DEF6: variants seen among roughly 807,000 people sequenced by gnomAD.
DEF6 encodes the protein DEF6 guanine nucleotide exchange factor.
Under a neutral mutation model 80.5 loss-of-function variants are expected in DEF6, and 32 were observed. That is an observed-to-expected ratio of 0.40 (90% CI 0.30 to 0.53). The LOEUF (loss-of-function observed/expected upper bound fraction) is 0.53, where lower values mean the gene tolerates loss of function less well. Among genes scored for constraint, DEF6 ranks in the 20% least tolerant of loss-of-function variants. DEF6 has a pLI of 0.57. For synonymous variants in DEF6, 300 were observed against 337.9 expected (o/e 0.89, Z 1.23); for missense variants, 575 against 818.7 (o/e 0.70, Z 3.63).
In DEF6 at chr6:35,314,132, G is replaced by T. The variant is rs188443437; in HGVS notation, c.807+1360G>T. 8.8e-3 allele frequency among the ~76,000 whole-genome samples: 1,347 copies of T among 152,234 alleles called. 17 individuals are homozygous for T. The highest frequency in any genetic ancestry group is 9.7e-3 in the Non-Finnish European group (661 of 68,026). On this transcript the variant is annotated intron_variant, in intron 5 of 10. Coordinates refer to ENST00000316637, the MANE Select transcript of DEF6 (RefSeq NM_022047.4). ...TTACAGAAAAGATATTCTTGGCCAGGCGCAGTGGCTCATGCCTGTAATCCC... is the reference window on the plus strand; with the variant it reads ...TTACAGAAAAGATATTCTTGGCCAGTCGCAGTGGCTCATGCCTGTAATCCC...
Position 35,319,719 on chromosome 6 carries a change from C to G in DEF6, c.1382+29C>G. ...GGCCTGAGGAACCTCTTCTGGTTCT[C>G]TCACCACCCCTCCTGGAACACACCC... is the stretch of plus-strand genomic sequence containing the variant. On this transcript the variant is annotated intron_variant, in intron 8 of 10. Transcript: ENST00000316637. The surrounding 1 kb of genome is among the most constrained non-coding windows in gnomAD (Gnocchi z 4.5). 1 of 1,607,290 alleles carries G rather than the reference C, an allele frequency of 6.2e-7. No individual in the cohort carries two copies. Among genetic ancestry groups the G allele is most frequent in the Non-Finnish European group, 8.5e-7 (1 of 1,175,324 alleles).
rs1791455554 is a variant in DEF6 at position 35,310,650 on chromosome 6, G to A, written c.423+6G>A. 3 of 1,613,914 alleles carry A rather than the reference G, an allele frequency of 1.9e-6. No homozygotes were observed. The highest frequency in any genetic ancestry group is 2.5e-6 in the Non-Finnish European group (3 of 1,180,004). ...TGATCATGGTTCCTGATGAGGTGAG[G>A]GTGATGGCAGCCCCAGGGACTGAAT... On this transcript the variant is annotated splice_donor_region_variant and intron_variant, in intron 3 of 10. Coordinates refer to ENST00000316637, the MANE Select transcript of DEF6 (RefSeq NM_022047.4).
chr6:35,303,266 C>T (rs779165290), intron 1 of DEF6, among the ~76,000 whole-genome samples: 4 of 152,146 alleles, frequency 2.6e-5, no homozygotes, highest in East Asian at 1.9e-4. Context: ...CAGTACAGGG[C>T]GACAGAACTA....
intron 3 of DEF6, 102 bp downstream of exon 3, chr6:35,310,746 T>A: frequency 8.2e-7 from 1 of 1,226,656 alleles, no homozygotes; most frequent in South Asian, 1.3e-5. Context: ...CATATCCCCT[T>A]TCTTTCTTTA....
chr6:35,312,920 C>T lies in DEF6; in HGVS notation c.807+148C>T, dbSNP rs6938946. 0.83 allele frequency: 733,414 copies of T among 888,204 alleles called. 304,669 individuals carry two copies. Among genetic ancestry groups the T allele is most frequent in the Non-Finnish European group, 0.85 (502,621 of 594,404 alleles). 55.0% of individuals were successfully genotyped at this position (888,204 alleles called of 1,614,324 possible). On this transcript the variant is annotated intron_variant, in intron 5 of 10. Coordinates refer to ENST00000316637, the MANE Select transcript of DEF6 (RefSeq NM_022047.4). The surrounding 1 kb of genome is among the most constrained non-coding windows in gnomAD (Gnocchi z 6.6). ...TAGATTAGTGTGACCCAAATATATC[C>T]GGATGCCTCAAGGCCATTCTCATCC...
chr6:35,308,429 T>C (rs532288947), intron 1 of DEF6, among the ~76,000 whole-genome samples: 2 of 151,532 alleles, frequency 1.3e-5, no homozygotes, highest in South Asian at 4.2e-4. Context: ...TCCCAGCACT[T>C]TGGGAGGCCG....
At chr6:35,306,165 A>T (rs1378973404) in intron 1 of DEF6, among the ~76,000 whole-genome samples, 1 of 147,396 alleles carries the variant, frequency 6.8e-6, no homozygotes, top group Non-Finnish European at 1.5e-5. Context: ...AAGTGCTGGG[A>T]TTACAGGCGT....
At chr6:35,306,091 A>G (rs987932256) in intron 1 of DEF6, among the ~76,000 whole-genome samples, 1 of 148,216 alleles carries the variant, frequency 6.7e-6, no homozygotes, top group Non-Finnish European at 1.5e-5. Flanking sequence ...ACAGGGTTTC[A>G]ACATGTTGGT....
rs192716131 is a variant in DEF6 at position 35,309,666 on chromosome 6, C to T, written c.97-4C>T. 1 of 1,613,418 alleles carries T rather than the reference C, an allele frequency of 6.2e-7. No individual in the cohort carries two copies. The highest frequency in any genetic ancestry group is 1.3e-5 in the African/African-American group (1 of 74,958). On this transcript the variant is annotated splice_polypyrimidine_tract_variant and splice_region_variant and intron_variant, in intron 1 of 10. Coordinates refer to ENST00000316637, the MANE Select transcript of DEF6 (RefSeq NM_022047.4). ...AGACACACTGCCACTCTACTCTATC[C>T]CAGGTGCTGTCCCACAACCTGTACA... is the stretch of plus-strand genomic sequence containing the variant.
In DEF6 at chr6:35,300,577, G is replaced by GA. The variant is rs1791301724; in HGVS notation, c.96+2630dup. 2.6e-5 allele frequency among the ~76,000 whole-genome samples: 4 copies of GA among 152,302 alleles called. 1 individual carries two copies. The highest frequency in any genetic ancestry group is 2.6e-4 in the Admixed American group (4 of 15,298). On this transcript the variant is annotated intron_variant, in intron 1 of 10. Coordinates refer to ENST00000316637, the MANE Select transcript of DEF6 (RefSeq NM_022047.4). Reference sequence around the variant, plus strand: ...CTCCTGGAAAAGAGAAGGCTTGAGGGAAAAACCAGATACTTCTTTCTCTCT... The same window carrying GA: ...CTCCTGGAAAAGAGAAGGCTTGAGGGAAAAAACCAGATACTTCTTTCTCTCT...
intron 1 of DEF6, among the ~76,000 whole-genome samples, chr6:35,305,146 A>ATT (rs772142863): frequency 7.4e-5 from 10 of 134,752 alleles, no homozygotes; most frequent in African/African-American, 1.9e-4. Context: ...AAAAAAAAGA[A>ATT]TTTTTTTTTT....
At chr6:35,306,681 C>A (rs975988982) in intron 1 of DEF6, among the ~76,000 whole-genome samples, 1 of 152,188 alleles carries the variant, frequency 6.6e-6, no homozygotes, top group African/African-American at 2.4e-5. Flanking sequence ...TCATATAATT[C>A]GACCTAATCT....
intron 1 of DEF6, among the ~76,000 whole-genome samples, chr6:35,299,804 G>C (rs1024731734): frequency 6.6e-6 from 1 of 152,136 alleles, no homozygotes; most frequent in African/African-American, 2.4e-5. Flanking sequence ...GGGGTGGGGC[G>C]GAAATGGCGG....
intron 2 of DEF6, 69 bp downstream of exon 2, chr6:35,309,879 A>C (rs2150386789): frequency 1.3e-6 from 2 of 1,563,124 alleles, no homozygotes; most frequent in Non-Finnish European, 8.7e-7. Flanking sequence ...GCAGCCTAAT[A>C]CCTTGCCACT....
intron 1 of DEF6, among the ~76,000 whole-genome samples, chr6:35,302,646 C>T (rs1004953395): frequency 6.6e-6 from 1 of 152,198 alleles, no homozygotes; most frequent in African/African-American, 2.4e-5. Flanking sequence ...ACTGCCAACT[C>T]AGAGGCCAGA....
Position 35,312,585 on chromosome 6 carries a change from A to G in DEF6, c.661-41A>G, listed in dbSNP as rs1374268628. 2.5e-6 allele frequency: 4 copies of G among 1,613,946 alleles called. No homozygotes were observed. In the East Asian group the frequency reaches 6.7e-5, roughly 27 times the overall value. On this transcript the variant is annotated intron_variant, in intron 4 of 10. Coordinates refer to ENST00000316637, the MANE Select transcript of DEF6 (RefSeq NM_022047.4). This position sits in a 1 kb window ranked among gnomAD's most constrained non-coding sequence, Gnocchi z 6.6. ...GGGAAGCACACAAGGTGCAGGGCGA[A>G]GGGGGGCCTGGGAAGCCTCTGACGT...
intron 10 of DEF6, 97 bp downstream of exon 10, chr6:35,321,071 G>A: frequency 6.4e-7 from 1 of 1,556,446 alleles, no homozygotes. Flanking sequence ...CCCAGGGCCA[G>A]CAAAAGCAGG....
intron 1 of DEF6, among the ~76,000 whole-genome samples, chr6:35,301,727 C>CTTTT (rs71538302): frequency 0.68 from 89,422 of 131,362 alleles, 32,166 homozygotes; most frequent in South Asian, 0.8. Context: ...GGAGCTGTGT[C>CTTTT]TTTTTTTTTT....
chr6:35,320,834 A>G (rs1582235598), intron 9 of DEF6, 50 bp from the exon 10 acceptor site: 3 of 1,523,028 alleles, frequency 2.0e-6, no homozygotes, highest in East Asian at 2.4e-5. Context: ...TCAAGACTCC[A>G]TGCCATGGAT....
Sources: gnomAD v4.1 joint callset for allele counts (sites outside exome capture counted in the v4.1 genomes callset) on GRCh38, gnomAD v4.1.1 for gene constraint, Gnocchi (gnomAD v3.1) non-coding constraint, MANE v1.5 for transcripts, NCBI Gene and HGNC (gene_info 2026-07-23, HGNC 2026-07-21) for gene names.